The following TRMT1 variants were observed in gnomAD, a reference collection of about 807,000 sequenced individuals.
TRMT1 encodes the protein tRNA methyltransferase 1, also known as tRNA (guanine(26)-N(2))-dimethyltransferase.
A neutral mutation model predicts 75.4 loss-of-function variants in TRMT1; 63 were observed. That is an observed-to-expected ratio of 0.84 (90% confidence interval 0.68 to 1.03). The LOEUF is 1.03. Among genes scored for constraint, TRMT1 ranks in the 50% least tolerant of loss-of-function variants. The pLI is 0.00. For synonymous variants in TRMT1, 382 were observed against 358.1 expected, an observed-to-expected ratio of 1.07 and a Z score of -0.75; for missense variants, 870 against 905.3, an observed-to-expected ratio of 0.96 and a Z score of 0.50.
intron 7 of TRMT1, among the ~76,000 whole-genome samples, chr19:13,110,714 TC>T (rs1829143997): frequency 6.6e-6 from 1 of 152,176 alleles, no homozygotes; most frequent in Non-Finnish European, 1.5e-5. Flanking sequence ...ATGCCTGTAA[TC>T]CCAGCACTTT....
intron 6 of TRMT1, 28 bp from the exon 7 acceptor site, chr19:13,112,845 C>T: frequency 6.2e-7 from 1 of 1,613,728 alleles, no homozygotes; most frequent in East Asian, 2.2e-5. Flanking sequence ...GCAGTGAGAA[C>T]CCTCCAACAC....
rs2019203105 is a variant in TRMT1, at chr19:13,113,016, G to A, written c.642-5C>T. ...TGGTGCTGGTACATCAGCATCCTGG[G>A]TGCAAAGAGGGCCAGGTCCTCAGCC... On this transcript the variant is annotated splice_polypyrimidine_tract_variant and splice_region_variant and intron_variant, in intron 5 of 16. Coordinates refer to ENST00000357720, the MANE Select transcript of TRMT1 (RefSeq NM_001136035.4). 1.2e-6 allele frequency: 2 copies of A among 1,603,932 alleles called. No homozygotes were observed. The highest frequency in any genetic ancestry group is 1.7e-6 in the Non-Finnish European group (2 of 1,174,712).
rs926053090 is a variant in TRMT1 at position 13,114,661 on chromosome 19, C to CA, written c.641+617dup. Among the ~76,000 whole-genome samples, 35 of 143,926 alleles carry CA rather than the reference C, an allele frequency of 2.4e-4. 1 individual carries two copies. Among genetic ancestry groups the CA allele is most frequent in the Middle Eastern group, 3.5e-3 (1 of 286 alleles). The allele number at this position is 143,926 out of a possible 152,430, so 94.4% of individuals were successfully genotyped here. A position where few individuals can be genotyped will look rare whatever the true frequency, so the allele number is the denominator to read the frequency against. The stretch of plus-strand genomic sequence containing the variant: ...TGGGCAACAGAGCGAGACTCCGTGT[C>CA]AAAAAATAAATAAATAAATAAAAAT... On this transcript the variant is annotated intron_variant, in intron 5 of 16. Transcript: ENST00000357720.
At chr19:13,107,082 T>A (rs1304522695) in intron 14 of TRMT1, among the ~76,000 whole-genome samples, 1 of 150,494 alleles carries the variant, frequency 6.6e-6, no homozygotes, top group Non-Finnish European at 1.5e-5. Context: ...GTGATCCGCC[T>A]GCCTCGGCCT....
chr19:13,105,387 C>G lies in TRMT1; in HGVS notation c.1713G>C (p.Ala571=). 6 of 1,613,726 alleles carry G rather than the reference C, an allele frequency of 3.7e-6. No homozygotes were observed. Among genetic ancestry groups the G allele is most frequent in the Admixed American group, 3.3e-5 (2 of 60,026 alleles). The change falls in exon 16 of 17, where the codon GCG becomes GCC. Residue 571 remains alanine (A), a synonymous_variant. Coordinates refer to ENST00000357720, the MANE Select transcript of TRMT1 (RefSeq NM_001136035.4). Reference sequence around the variant, plus strand: ...GTCTCTCCTCCATAGCTTCGTCGGCCGCCTTGCCCCTGTGCGAGGGGAGGA... The same window carrying G: ...GTCTCTCCTCCATAGCTTCGTCGGCGGCCTTGCCCCTGTGCGAGGGGAGGA... ...PRPRARPGGK[A]ADEAMEERRR... is the part of the protein sequence containing the mutation.
chr19:13,110,080 T>G, intron 8 of TRMT1, 78 bp downstream of exon 8: 1 of 1,609,360 alleles, frequency 6.2e-7, no homozygotes, highest in Non-Finnish European at 8.5e-7. Context: ...GCTCTGTCCC[T>G]TAAGAAGCCC....
Position 13,105,346 on chromosome 19 carries a change from T to A in TRMT1, c.1754A>T (p.Asn585Ile), listed in dbSNP as rs375885074. Residue 585 changes from asparagine to isoleucine, a missense_variant, in exon 16 of 17, where the codon AAC (asparagine) becomes ATC (isoleucine). Physicochemically the swap from Asn to Ile is moderately radical, Grantham distance 149 (BLOSUM62 -3). Coordinates refer to ENST00000357720, the MANE Select transcript of TRMT1 (RefSeq NM_001136035.4). ...AMEERRRLLQ[N>I]KRKEPPEDVA... is the part of the protein sequence containing the mutation. ...ATCTTCCGGCGGCTCCTTCCGCTTG[T>A]TCTGAAGCAGCCTGCGTCTCTCCTC... 3 of 1,613,922 alleles carry A rather than the reference T, an allele frequency of 1.9e-6. No homozygotes were observed. In the Admixed American group the frequency reaches 5.0e-5, roughly 27 times the overall value.
intron 7 of TRMT1, among the ~76,000 whole-genome samples, chr19:13,111,538 C>T (rs1287320263): frequency 6.6e-6 from 1 of 150,732 alleles, no homozygotes; most frequent in Admixed American, 6.6e-5. Context: ...CACCCACCAC[C>T]ACGCCCAGCT....
intron 14 of TRMT1, among the ~76,000 whole-genome samples, chr19:13,105,946 C>A (rs2018848565): frequency 6.6e-6 from 1 of 152,112 alleles, no homozygotes; most frequent in African/African-American, 2.4e-5. Flanking sequence ...CCTGTGATAC[C>A]AGCTACTCGG....
chr19:13,108,501 C>T (rs1023057400), intron 12 of TRMT1, among the ~76,000 whole-genome samples: 11 of 150,088 alleles, frequency 7.3e-5, no homozygotes, highest in Admixed American at 3.3e-4. Flanking sequence ...CCACGTTGAC[C>T]GGGCTGGTCT....
At chr19:13,107,990 T>TC in intron 12 of TRMT1, 131 bp from the exon 13 acceptor site, 2 of 469,542 alleles carry the variant, frequency 4.3e-6, no homozygotes, top group East Asian at 3.6e-5. Flanking sequence ...CTTTTCTTTT[T>TC]TTTTTTTTTT....
rs1380268139 is a variant in TRMT1 at position 13,115,642 on chromosome 19, A to C, written c.437T>G (p.Val146Gly). The change falls in exon 4 of 17, where the codon GTG (valine) becomes GGG (glycine). Residue 146 changes from valine (V) to glycine (G), a missense_variant. By Grantham distance (109) the Val-to-Gly change is moderately radical. Coordinates refer to ENST00000357720, the MANE Select transcript of TRMT1 (RefSeq NM_001136035.4). ...ASGDQPRTAA[V>G]GEICEEGLHV... is the part of the protein sequence containing the mutation. ...AGGCCCCACCTCACAGATCTCCCCC[A>C]CGGCCGCTGTGCGAGGTTGGTCTCC... 6.2e-7 allele frequency: 1 copy of C among 1,612,780 alleles called. No homozygotes were observed. Among genetic ancestry groups the C allele is most frequent in the African/African-American group, 1.3e-5 (1 of 74,482 alleles).
In TRMT1 at chr19:13,112,988, C is replaced by T; in HGVS notation, c.665G>A (p.Arg222Lys). 6.2e-7 allele frequency: 1 copy of T among 1,612,814 alleles called. No homozygotes were observed. The highest frequency in any genetic ancestry group is 8.5e-7 in the Non-Finnish European group (1 of 1,179,442). ...DARMLMYQHQ[R>K]VSERFDVIDL... is the part of the protein sequence containing the mutation. ...GATGACGTCAAACCTCTCCGACACC[C>T]TCTGGTGCTGGTACATCAGCATCCT... Residue 222 changes from arginine (R) to lysine (K), a missense_variant, in exon 6 of 17, where the codon AGG becomes AAG. Transcript: ENST00000357720.
At position 13,115,980 on chromosome 19, in the gene TRMT1, C is replaced by A. The variant is rs1191081551; in HGVS notation, c.310+17G>T. The stretch of plus-strand genomic sequence containing the variant: ...TTGTGTGACCCCCGCCCACCAGAAG[C>A]CTGGACCTCCACTCACTCTGGATTC... On this transcript the variant is annotated intron_variant, in intron 3 of 16. Transcript: ENST00000357720. 6.2e-7 allele frequency: 1 copy of A among 1,613,952 alleles called. No individual in the cohort carries two copies. The highest frequency in any genetic ancestry group is 8.5e-7 in the Non-Finnish European group (1 of 1,179,992).
Position 13,116,323 on chromosome 19 carries a change from C to T in TRMT1, c.77G>A (p.Trp26Ter). 2 of 1,613,904 alleles carry T rather than the reference C, an allele frequency of 1.2e-6. No individual in the cohort carries two copies. Among genetic ancestry groups the T allele is most frequent in the African/African-American group, 2.7e-5 (2 of 75,036 alleles). Residue 26 changes from tryptophan (W) to a stop codon, truncating the protein, a stop_gained, in exon 2 of 17, where the codon TGG becomes TAG. Transcript: ENST00000357720. LOFTEE classifies it high-confidence loss of function. ...TGTATTCGGCAGCCCTGGAGACTGCCACTCGAAAAACCGGGCTCTAGAGAG... is the reference window on the plus strand; with the variant it reads ...TGTATTCGGCAGCCCTGGAGACTGCTACTCGAAAAACCGGGCTCTAGAGAG... Reference protein sequence around the residue: ...RVLSRARFFEWQSPGLPNTAA... With the variant: ...RVLSRARFFE
chr19:13,108,741 C>G (rs996113667), intron 12 of TRMT1, among the ~76,000 whole-genome samples: 1 of 152,078 alleles, frequency 6.6e-6, no homozygotes, highest in East Asian at 1.9e-4. Context: ...TCCCAAGTAG[C>G]TGGGACTACA....
Position 13,109,615 on chromosome 19 carries a change from TCA to T in TRMT1, c.1244_1245del (p.Val415GlufsTer3), listed in dbSNP as rs747802506. 1.9e-6 allele frequency: 3 copies of T among 1,613,856 alleles called. No homozygotes were observed. Among genetic ancestry groups the T allele is most frequent in the Non-Finnish European group, 2.5e-6 (3 of 1,179,986 alleles). ...GTGTGGAAGCGGCCGGGGTTAGCGC[TCA>T]CAGCCTCCAGGACACGGCCCACAAA... Reference protein sequence around the residue: ...LDFVGRVLEAVSANPGRFHTS... With the variant: ...LDFVGRVLEAXSANPGRFHTS... On this transcript the variant is annotated frameshift_variant, in exon 11 of 17. Transcript: ENST00000357720. LOFTEE classifies it high-confidence loss of function.
At chr19:13,105,664 C>T in intron 14 of TRMT1, 58 bp from the exon 15 acceptor site, 2 of 1,527,242 alleles carry the variant, frequency 1.3e-6, no homozygotes, top group Non-Finnish European at 8.9e-7. Context: ...GAGTGTGTCC[C>T]CACTCCCCAC....
In TRMT1 at chr19:13,104,956, G is replaced by A. The variant is rs756872858; in HGVS notation, c.1959C>T (p.Ala653=). The A allele has an allele frequency of 3.7e-6, 6 of 1,613,674 alleles. No individual in the cohort carries two copies. In the African/African-American group the frequency reaches 4.0e-5, roughly 11 times the overall value. ...TGGTTCAGTCTATGCCTGGCCCAGC[G>A]GCAGCCCCAGGTCCAGGGGGGGTCT... ...SNQTPPGPGA[A]AGPGID The change falls in exon 17 of 17, where the codon GCC becomes GCT. Residue 653 remains alanine (A), a synonymous_variant. Coordinates refer to ENST00000357720, the MANE Select transcript of TRMT1 (RefSeq NM_001136035.4).
Sources: allele counts gnomAD v4.1 joint callset (sites outside exome capture counted in the v4.1 genomes callset), GRCh38; gene constraint gnomAD v4.1.1; transcripts MANE v1.5; gene names NCBI Gene and HGNC (gene_info 2026-07-23, HGNC 2026-07-21).